The following SLFN13 variants were observed in gnomAD, a reference collection of about 807,000 sequenced individuals.
The protein encoded by SLFN13 is schlafen family member 13, also known as schlafen-13.
SLFN13 carries 43 observed loss-of-function variants against 50.6 expected under a neutral mutation model. That is an observed-to-expected ratio of 0.85 (90% CI 0.67 to 1.09). The LOEUF (loss-of-function observed/expected upper bound fraction) is 1.09. Among genes scored for constraint, SLFN13 ranks in the 50% least tolerant of loss-of-function variants. The pLI is 0.00. For missense variants in SLFN13, 881 were observed against 1,071.1 expected (o/e 0.82, Z 2.48); for synonymous variants, 339 against 386.5 (o/e 0.88, Z 1.44).
Position 35,442,257 on chromosome 17 carries a change from C to G in SLFN13, c.1228G>C (p.Glu410Gln), listed in dbSNP as rs767814242. The change falls in exon 5 of 6, where the codon GAG becomes CAG. Residue 410 changes from glutamate to glutamine, a missense_variant. Transcript: ENST00000285013. ...AAAGACAGCTCCTTCCAGAGGGACT[C>G]TGGAGTACATTCCAAATGTCCTGGT... ...VPPGHLECTPESLWKELSLQH... is the reference protein window; with the variant it reads ...VPPGHLECTPQSLWKELSLQH... The G allele has an allele frequency of 6.2e-7, 1 of 1,603,178 alleles. No individual in the cohort carries two copies.
chr17:35,442,115 A>T lies in SLFN13; in HGVS notation c.1370T>A (p.Val457Asp). The T allele has an allele frequency of 6.2e-7, 1 of 1,614,112 alleles. No homozygotes were observed. Among genetic ancestry groups the T allele is most frequent in the Non-Finnish European group, 8.5e-7 (1 of 1,180,010 alleles). Residue 457 changes from valine to aspartate, a missense_variant, in exon 5 of 6, where the codon GTC (valine) becomes GAC (aspartate). Physicochemically the swap from Val to Asp is radical, Grantham distance 152. Around this residue, in one of 5 missense-constraint regions of SLFN13, gnomAD observed 15 missense variants for 29.0 expected, o/e 0.52. Coordinates refer to ENST00000285013, the MANE Select transcript of SLFN13 (RefSeq NM_144682.6). ...VDLNLQEKPG[V>D]ICDALLIAQN... ...TGCTATCAGCAGAGCATCACAGATG[A>T]CTCCTGGCTTCTCCTGCAAGTTCAG...
chr17:35,439,528 A>C lies in SLFN13; in HGVS notation c.*1067T>G, dbSNP rs1266444820. The C allele has an allele frequency of 6.6e-6, 1 of 152,054 alleles. No homozygotes were observed. Among genetic ancestry groups the C allele is most frequent in the African/African-American group, 2.4e-5 (1 of 41,372 alleles). The allele number at this position is 152,054 out of a possible 1,614,324, so 9.4% of individuals were successfully genotyped here. On this transcript the variant is annotated 3_prime_UTR_variant, in exon 6 of 6. Coordinates refer to ENST00000285013, the MANE Select transcript of SLFN13 (RefSeq NM_144682.6). ...AGTCTCACTCTGTTGCCCAGGCTGGAGTACAGTGACATGATCTCAGCTCAC... is the reference window on the plus strand; with the variant it reads ...AGTCTCACTCTGTTGCCCAGGCTGGCGTACAGTGACATGATCTCAGCTCAC...
chr17:35,443,807 G>A lies in SLFN13; in HGVS notation c.1180C>T (p.Gln394Ter). The change falls in exon 4 of 6, where the codon CAA becomes TAA. Residue 394 changes from glutamine (Q) to a stop codon, truncating the protein, a stop_gained. Transcript: ENST00000285013. LOFTEE classifies it high-confidence loss of function. ...TCAGTACCTGGAAATAAATGTTGTT[G>A]TAGATCAGCTTTGTGTTCCAGACCT... is the stretch of plus-strand genomic sequence containing the variant. ...KKGLEHKADL[Q>*]QHLFPVPPGH... 1 of 1,611,704 alleles carries A rather than the reference G, an allele frequency of 6.2e-7. No homozygotes were observed. The highest frequency in any genetic ancestry group is 8.5e-7 in the Non-Finnish European group (1 of 1,178,148).
At chr17:35,448,850 G>A (rs1913366435), upstream of SLFN13, 2 of 152,318 alleles carry the variant, frequency 1.3e-5, no homozygotes, top group Admixed American at 1.3e-4. Context: ...ACGAACCAAT[G>A]GGTCCCAGGC....
In SLFN13 at chr17:35,444,680, C is replaced by T; in HGVS notation, c.1001G>A (p.Arg334Lys). The change falls in exon 3 of 6, where the codon AGG (arginine) becomes AAG (lysine). Residue 334 changes from arginine (R) to lysine (K), a missense_variant. Arg to Lys is a conservative substitution (Grantham distance 26). Around this residue, in one of 5 missense-constraint regions of SLFN13, gnomAD observed 497 missense variants for 518.3 expected, o/e 0.96. Transcript: ENST00000285013. ...FSEAPKSWMV[R>K]EKYIRPLTTE... ...TGTCAAGGGGCGGATGTACTTCTCC[C>T]TCACCATCCATGACTTGGGAGCTTC... is the stretch of plus-strand genomic sequence containing the variant. 6.2e-7 allele frequency: 1 copy of T among 1,614,202 alleles called. No individual in the cohort carries two copies. Among genetic ancestry groups the T allele is most frequent in the East Asian group, 2.2e-5 (1 of 44,886 alleles).
rs563248245 is a variant in SLFN13 at position 35,436,937 on chromosome 17, C to G, written c.*3658G>C. 2.0e-5 allele frequency: 3 copies of G among 152,096 alleles called. No individual in the cohort carries two copies. The highest frequency in any genetic ancestry group is 4.4e-5 in the Non-Finnish European group (3 of 68,030). 9.4% of individuals were successfully genotyped at this position (152,096 alleles called of 1,614,324 possible). On this transcript the variant is annotated 3_prime_UTR_variant, in exon 6 of 6. Coordinates refer to ENST00000285013, the MANE Select transcript of SLFN13 (RefSeq NM_144682.6). ...CACAACTGATATAATTCAATAAAGT[C>G]TACAGATTAGATAATAGTATCAGGG...
At position 35,439,131 on chromosome 17, in the gene SLFN13, T is replaced by G. The variant is rs868454693; in HGVS notation, c.*1464A>C. ...CATCTCTCTGTGTGCTCCCATGCCC[T>G]CTTGTTTGTGTGCACAGGGAGGAAG... On this transcript the variant is annotated 3_prime_UTR_variant, in exon 6 of 6. Coordinates refer to ENST00000285013, the MANE Select transcript of SLFN13 (RefSeq NM_144682.6). 2 of 152,126 alleles carry G rather than the reference T, an allele frequency of 1.3e-5. No homozygotes were observed. Among genetic ancestry groups the G allele is most frequent in the South Asian group, 4.1e-4 (2 of 4,820 alleles). 9.4% of individuals were successfully genotyped at this position (152,126 alleles called of 1,614,324 possible). A position where few individuals can be genotyped will look rare whatever the true frequency, so the allele number is the denominator to read the frequency against.
Position 35,439,165 on chromosome 17 carries a change from C to T in SLFN13, c.*1430G>A, listed in dbSNP as rs766748246. On this transcript the variant is annotated 3_prime_UTR_variant, in exon 6 of 6. Coordinates refer to ENST00000285013, the MANE Select transcript of SLFN13 (RefSeq NM_144682.6). ...TGTGCACAGGGAGGAAGGGAACAAG[C>T]TCTCTGGGGTCTCTCCCTATAAGGA... is the stretch of plus-strand genomic sequence containing the variant. The T allele has an allele frequency of 6.6e-6, 1 of 152,048 alleles. No homozygotes were observed. Among genetic ancestry groups the T allele is most frequent in the Non-Finnish European group, 1.5e-5 (1 of 68,056 alleles). 9.4% of individuals were successfully genotyped at this position (152,048 alleles called of 1,614,324 possible). A position where few individuals can be genotyped will look rare whatever the true frequency, so the allele number is the denominator to read the frequency against.
Position 35,441,546 on chromosome 17 carries a change from A to T in SLFN13, c.1922+17T>A. 2 of 1,611,460 alleles carry T rather than the reference A, an allele frequency of 1.2e-6. No homozygotes were observed. Among genetic ancestry groups the T allele is most frequent in the Non-Finnish European group, 1.7e-6 (2 of 1,179,554 alleles). On this transcript the variant is annotated intron_variant, in intron 5 of 5. Transcript: ENST00000285013. Reference sequence around the variant, plus strand: ...CAGATTAAATAAAACTTAAAGACGTAAGATCCAACTGCTTACCTGATAAAG... The same window carrying T: ...CAGATTAAATAAAACTTAAAGACGTTAGATCCAACTGCTTACCTGATAAAG...
In SLFN13 at chr17:35,440,335, G is replaced by A. The variant is rs529150594; in HGVS notation, c.*260C>T. On this transcript the variant is annotated 3_prime_UTR_variant, in exon 6 of 6. Coordinates refer to ENST00000285013, the MANE Select transcript of SLFN13 (RefSeq NM_144682.6). ...GTCTGCATTGTGCAGCACAGCTAAAGTTCCTTTAGAAAACCACCATCTTTC... is the reference window on the plus strand; with the variant it reads ...GTCTGCATTGTGCAGCACAGCTAAAATTCCTTTAGAAAACCACCATCTTTC... 1.3e-4 allele frequency: 73 copies of A among 544,092 alleles called. No homozygotes were observed. Among genetic ancestry groups the A allele is most frequent in the Non-Finnish European group, 2.0e-5 (6 of 305,198 alleles). The allele number at this position is 544,092 out of a possible 1,614,324, so 33.7% of individuals were successfully genotyped here. A position where few individuals can be genotyped will look rare whatever the true frequency, so the allele number is the denominator to read the frequency against.
chr17:35,444,997 AT>A lies in SLFN13; in HGVS notation c.683del (p.Asn228IlefsTer2). The A allele has an allele frequency of 6.2e-7, 1 of 1,614,088 alleles. No individual in the cohort carries two copies. The highest frequency in any genetic ancestry group is 1.1e-5 in the South Asian group (1 of 91,072). ...ATGCAGAGATGTACTCTGGAATTAT[AT>A]TTTCTACATATTGTTGGATATGTTT... ...STKHIQQYVE[N>X]IIPEYISAFA... On this transcript the variant is annotated frameshift_variant, in exon 3 of 6. Coordinates refer to ENST00000285013, the MANE Select transcript of SLFN13 (RefSeq NM_144682.6). LOFTEE classifies it high-confidence loss of function.
chr17:35,444,789 T>C lies in SLFN13; in HGVS notation c.892A>G (p.Ile298Val), dbSNP rs1444595034. 14 of 1,614,030 alleles carry C rather than the reference T, an allele frequency of 8.7e-6. No individual in the cohort carries two copies. Among genetic ancestry groups the C allele is most frequent in the Non-Finnish European group, 1.2e-5 (14 of 1,180,006 alleles). The change falls in exon 3 of 6, where the codon ATC becomes GTC. Residue 298 changes from isoleucine (I) to valine (V), a missense_variant. Around this residue, in one of 5 missense-constraint regions of SLFN13, gnomAD observed 497 missense variants for 518.3 expected, o/e 0.96. Coordinates refer to ENST00000285013, the MANE Select transcript of SLFN13 (RefSeq NM_144682.6). ...TCTTTCCCACAAAACACTTCTACGA[T>C]TTTGGTGCTGTACTCTACCCGAGGT... is the stretch of plus-strand genomic sequence containing the variant. ...SKPRVEYSTK[I>V]VEVFCGKELY...
upstream of SLFN13, among the ~76,000 whole-genome samples, chr17:35,449,595 C>G (rs1913399346): frequency 6.6e-6 from 1 of 152,248 alleles, no homozygotes; most frequent in Non-Finnish European, 1.5e-5. Flanking sequence ...TCCGCAGACC[C>G]CGCGCCAGAG....
chr17:35,443,671 G>T, intron 4 of SLFN13, 118 bp downstream of exon 4: 1 of 1,061,740 alleles, frequency 9.4e-7, no homozygotes, highest in Non-Finnish European at 1.3e-6. Context: ...CAAGAGGCTT[G>T]TGGCATTGTC....
intron 1 of SLFN13, among the ~76,000 whole-genome samples, chr17:35,448,077 G>T (rs983206110): frequency 9.7e-5 from 13 of 133,712 alleles, no homozygotes; most frequent in Non-Finnish European, 1.5e-4. Flanking sequence ...TAGCGATAGG[G>T]TCTCCCTACA....
rs1331371044 is a variant in SLFN13, at chr17:35,442,267, T to C, written c.1218A>G (p.Glu406=). ...CCTTCCAGAGGGACTCTGGAGTACA[T>C]TCCAAATGTCCTGGTGGAACTAGAC... ...HLFPVPPGHL[E]CTPESLWKEL... Residue 406 remains glutamate (E), a synonymous_variant, in exon 5 of 6, where the codon GAA becomes GAG. Transcript: ENST00000285013. 4 of 1,595,058 alleles carry C rather than the reference T, an allele frequency of 2.5e-6. No homozygotes were observed. The highest frequency in any genetic ancestry group is 4.5e-5 in the East Asian group (2 of 44,732).
In SLFN13 at chr17:35,440,071, G is replaced by A. The variant is rs1485723180; in HGVS notation, c.*524C>T. ...AATCTGACAGTGACTGAATTATCTTGGGACTCTCCCAAGCCCTAAATGAAT... is the reference window on the plus strand; with the variant it reads ...AATCTGACAGTGACTGAATTATCTTAGGACTCTCCCAAGCCCTAAATGAAT... On this transcript the variant is annotated 3_prime_UTR_variant, in exon 6 of 6. Coordinates refer to ENST00000285013, the MANE Select transcript of SLFN13 (RefSeq NM_144682.6). 2 of 154,066 alleles carry A rather than the reference G, an allele frequency of 1.3e-5. No individual in the cohort carries two copies. The highest frequency in any genetic ancestry group is 4.8e-5 in the African/African-American group (2 of 41,412). 9.5% of individuals were successfully genotyped at this position (154,066 alleles called of 1,614,324 possible). A position where few individuals can be genotyped will look rare whatever the true frequency, so the allele number is the denominator to read the frequency against.
rs200009593 is a variant in SLFN13, at chr17:35,441,016, T to C, written c.2273A>G (p.His758Arg). The C allele has an allele frequency of 6.8e-6, 11 of 1,612,968 alleles. No individual in the cohort carries two copies. The Admixed American group carries it at 1.7e-4, about 24-fold the overall frequency. Reference sequence around the variant, plus strand: ...TTCACTGAGAATTGCCAGATACCCATGGGGGATATTAATTGGAGGATTTTC... The same window carrying C: ...TTCACTGAGAATTGCCAGATACCCACGGGGGATATTAATTGGAGGATTTTC... ...IIENPPINIPHGYLAILSEAK... is the reference protein window; with the variant it reads ...IIENPPINIPRGYLAILSEAK... The change falls in exon 6 of 6, where the codon CAT (histidine) becomes CGT (arginine). Residue 758 changes from histidine to arginine, a missense_variant. Transcript: ENST00000285013.
At position 35,442,178 on chromosome 17, in the gene SLFN13, T is replaced by C. The variant is rs754730006; in HGVS notation, c.1307A>G (p.Gln436Arg). Residue 436 changes from glutamine to arginine, a missense_variant, in exon 5 of 6, where the codon CAG (glutamine) becomes CGG (arginine). This residue lies in a region of SLFN13 where 497 missense variants were observed against 518.3 expected (regional missense o/e 0.96). Transcript: ENST00000285013. ...LIHKQMRPFS[Q>R]GIVILSRSWA... is the part of the protein sequence containing the mutation. ...GCTTCTAGAGAGGATCACAATTCCCTGGGAGAAAGGTCGCATTTGCTTGTG... is the reference window on the plus strand; with the variant it reads ...GCTTCTAGAGAGGATCACAATTCCCCGGGAGAAAGGTCGCATTTGCTTGTG... The C allele has an allele frequency of 5.6e-6, 9 of 1,614,144 alleles. No individual in the cohort carries two copies. Among genetic ancestry groups the C allele is most frequent in the South Asian group, 4.4e-5 (4 of 91,086 alleles).
Sources: gnomAD v4.1 joint callset for allele counts (sites outside exome capture counted in the v4.1 genomes callset) on GRCh38, gnomAD v4.1.1 for gene constraint, gnomAD v4.1.1 regional missense constraint, MANE v1.5 for transcripts, NCBI Gene and HGNC (gene_info 2026-07-23, HGNC 2026-07-21) for gene names.